The following NRG3 variants were observed in gnomAD, a reference collection of about 807,000 sequenced individuals.
The protein encoded by NRG3 is neuregulin 3.
NRG3 carries 31 observed loss-of-function variants against 66.9 expected under a neutral mutation model. The ratio of observed to expected loss-of-function variants is 0.46; its 90% confidence interval spans 0.35 to 0.63. The LOEUF (loss-of-function observed/expected upper bound fraction) is 0.63, where lower values mean the gene tolerates loss of function less well. Among genes scored for constraint, NRG3 ranks in the 20% least tolerant of loss-of-function variants. NRG3 has a pLI of 0.00. For synonymous variants in NRG3, 393 were observed against 359.4 expected (o/e 1.09, Z -1.06); for missense variants, 910 against 878.9 (o/e 1.04, Z -0.45).
intron 3 of NRG3, among the ~76,000 whole-genome samples, chr10:82,820,065 C>T (rs1018478798): frequency 2.6e-5 from 4 of 152,072 alleles, no homozygotes; most frequent in East Asian, 1.9e-4. Context: ...GGATGGTTTC[C>T]GAGAGCAACA....
chr10:82,971,459 CAG>C (rs1851727499), intron 6 of NRG3, among the ~76,000 whole-genome samples: 1 of 128,106 alleles, frequency 7.8e-6, no homozygotes, highest in Non-Finnish European at 1.6e-5. Context: ...TTTTTTGATA[CAG>C]AGTTTTACTC....
intron 2 of NRG3, among the ~76,000 whole-genome samples, chr10:82,473,354 G>A (rs187071161): frequency 1.3e-5 from 2 of 152,252 alleles, no homozygotes; most frequent in East Asian, 1.9e-4. Flanking sequence ...TGCAGCCAGC[G>A]TCATGGAGAG....
At chr10:82,576,424 T>C (rs1289395113) in intron 2 of NRG3, among the ~76,000 whole-genome samples, 1 of 151,604 alleles carries the variant, frequency 6.6e-6, no homozygotes, top group African/African-American at 2.4e-5. Flanking sequence ...AATATAATCT[T>C]TCCAATGGGC....
At chr10:81,958,590 G>A (rs572276445) in intron 1 of NRG3, among the ~76,000 whole-genome samples, 1 of 152,266 alleles carries the variant, frequency 6.6e-6, no homozygotes, top group Admixed American at 6.5e-5. Flanking sequence ...GTAAAGTACA[G>A]ATATACATAT....
intron 1 of NRG3, among the ~76,000 whole-genome samples, chr10:82,083,763 GT>G (rs1440771381): frequency 6.8e-6 from 1 of 148,144 alleles, no homozygotes; most frequent in Admixed American, 6.7e-5. Flanking sequence ...CCCGGCTAAT[GT>G]TTTTTTTTGT....
intron 2 of NRG3, among the ~76,000 whole-genome samples, chr10:82,407,326 T>C (rs963913291): frequency 5.9e-5 from 9 of 152,210 alleles, no homozygotes; most frequent in Admixed American, 5.2e-4. Flanking sequence ...GAATTCTCTT[T>C]TTGGAATATG....
intron 2 of NRG3, among the ~76,000 whole-genome samples, chr10:82,574,890 A>C (rs2045944242): frequency 6.6e-6 from 1 of 151,776 alleles, no homozygotes; most frequent in Admixed American, 6.6e-5. Context: ...AATTCTTAGA[A>C]GCAAAGAGTA....
intron 2 of NRG3, among the ~76,000 whole-genome samples, chr10:82,473,633 C>A (rs1005736960): frequency 1.5e-4 from 23 of 152,244 alleles, no homozygotes; most frequent in African/African-American, 5.5e-4. Flanking sequence ...TTGCCATTGC[C>A]CCTTTGCCTT....
At chr10:82,064,458 A>G (rs945315714) in intron 1 of NRG3, among the ~76,000 whole-genome samples, 4 of 152,164 alleles carry the variant, frequency 2.6e-5, no homozygotes, top group Admixed American at 6.6e-5. Flanking sequence ...TTTGCTGAAC[A>G]AATATAAAGA....
intron 1 of NRG3, among the ~76,000 whole-genome samples, chr10:82,009,194 CA>C (rs2061484671): frequency 1.3e-5 from 2 of 151,996 alleles, no homozygotes. Flanking sequence ...TAGTCATATG[CA>C]AAAAAGTACT....
intron 2 of NRG3, among the ~76,000 whole-genome samples, chr10:82,575,600 C>T (rs2045979599): frequency 6.6e-6 from 1 of 151,662 alleles, no homozygotes; most frequent in Non-Finnish European, 1.5e-5. Flanking sequence ...GTTCTGATGA[C>T]ATCGTTCCTT....
At chr10:82,438,455 C>G (rs904210278) in intron 2 of NRG3, among the ~76,000 whole-genome samples, 5 of 152,342 alleles carry the variant, frequency 3.3e-5, no homozygotes, top group South Asian at 4.1e-4. Flanking sequence ...GCCCTTCCCC[C>G]ACCCAGGGAG....
At chr10:82,670,186 A>G (rs899160745) in intron 2 of NRG3, among the ~76,000 whole-genome samples, 2 of 150,724 alleles carry the variant, frequency 1.3e-5, no homozygotes, top group African/African-American at 4.9e-5. Flanking sequence ...ATTTCTTCCC[A>G]CTCTTATTTC....
intron 2 of NRG3, among the ~76,000 whole-genome samples, chr10:82,462,292 G>A (rs1047278736): frequency 6.6e-6 from 1 of 151,950 alleles, no homozygotes; most frequent in South Asian, 2.1e-4. Flanking sequence ...GTAAGTCAGG[G>A]GCAGCCTTGG....
At chr10:82,548,891 A>T (rs76279581) in intron 2 of NRG3, among the ~76,000 whole-genome samples, 1,728 of 152,318 alleles carry the variant, frequency 0.011, 33 homozygotes, top group African/African-American at 0.038. Context: ...AGAGAGCACA[A>T]TCAGCGGACA....
intron 1 of NRG3, among the ~76,000 whole-genome samples, chr10:82,023,498 A>G (rs768451880): frequency 5.3e-5 from 8 of 152,014 alleles, no homozygotes; most frequent in Non-Finnish European, 1.2e-4. Flanking sequence ...TGGGATTTTT[A>G]TAAGTGGTCT....
At chr10:82,110,793 G>T (rs1023788986) in intron 1 of NRG3, among the ~76,000 whole-genome samples, 3 of 152,026 alleles carry the variant, frequency 2.0e-5, no homozygotes, top group Non-Finnish European at 4.4e-5. Context: ...TATCAAAAGG[G>T]TAATGGCCTA....
intron 1 of NRG3, among the ~76,000 whole-genome samples, chr10:82,307,834 A>G (rs1354560786): frequency 1.3e-5 from 2 of 151,600 alleles, no homozygotes; most frequent in African/African-American, 4.8e-5. Context: ...TTTAGATGGC[A>G]TCTCTGGATG....
intron 1 of NRG3, among the ~76,000 whole-genome samples, chr10:82,137,731 A>G (rs1487418816): frequency 6.6e-6 from 1 of 152,202 alleles, no homozygotes; most frequent in African/African-American, 2.4e-5. Flanking sequence ...AGCAGCAAGA[A>G]TTTGTTATGC....
Sources: gnomAD v4.1 joint callset for allele counts (sites outside exome capture counted in the v4.1 genomes callset) on GRCh38, gnomAD v4.1.1 for gene constraint, MANE v1.5 for transcripts, NCBI Gene and HGNC (gene_info 2026-07-23, HGNC 2026-07-21) for gene names.